The following NOX4 variants were observed in gnomAD, a reference collection of about 807,000 sequenced individuals.
The protein encoded by NOX4 is NADPH oxidase 4.
In NOX4, 69 loss-of-function variants were observed where a neutral mutation model predicts 87.6. The observed-to-expected ratio is 0.79, with a 90% CI of 0.65 to 0.96. The LOEUF (loss-of-function observed/expected upper bound fraction) is 0.96, where lower values mean the gene tolerates loss of function less well. Ranked by LOEUF, NOX4 falls within the 40% of genes least tolerant of loss-of-function variation. The pLI is 0.00. For synonymous variants in NOX4, 275 were observed against 238.2 expected (o/e 1.15, Z -1.42); for missense variants, 680 against 681.5 (o/e 1.00, Z 0.02).
the NOX4 span, among the ~76,000 whole-genome samples, chr11:89,513,093 G>A: frequency 6.6e-6 from 1 of 152,044 alleles, no homozygotes; most frequent in Non-Finnish European, 1.5e-5. Context: ...GGCTGAGGCG[G>A]GCAGATGACC....
At chr11:89,356,255 T>A (rs1279063227) in intron 12 of NOX4, among the ~76,000 whole-genome samples, 7 of 152,122 alleles carry the variant, frequency 4.6e-5, no homozygotes, top group African/African-American at 1.7e-4. Flanking sequence ...TGGTGTTTCA[T>A]ATGTATTAAT....
At chr11:89,365,221 C>T (rs963367484) in intron 12 of NOX4, among the ~76,000 whole-genome samples, 1 of 151,916 alleles carries the variant, frequency 6.6e-6, no homozygotes, top group African/African-American at 2.4e-5. Flanking sequence ...CTTTTATTTC[C>T]AGGGGGAGCA....
chr11:89,525,506 C>T, the NOX4 span, among the ~76,000 whole-genome samples: 2 of 151,794 alleles, frequency 1.3e-5, no homozygotes, highest in African/African-American at 4.8e-5. Flanking sequence ...TGCTCATTGG[C>T]CATTGGTTTA....
intron 7 of NOX4, among the ~76,000 whole-genome samples, chr11:89,425,953 T>C (rs142678942): frequency 1.1e-4 from 17 of 152,252 alleles, no homozygotes; most frequent in African/African-American, 4.1e-4. Flanking sequence ...TATCTTATAT[T>C]CCTTTTTTTG....
chr11:89,478,227 T>A (rs1946249319), intron 2 of NOX4, among the ~76,000 whole-genome samples: 1 of 152,316 alleles, frequency 6.6e-6, no homozygotes, highest in African/African-American at 2.4e-5. Flanking sequence ...ATAAGCGATA[T>A]ATTAGGTTAA....
At chr11:89,546,257 T>A in the NOX4 span, among the ~76,000 whole-genome samples, 1 of 152,222 alleles carries the variant, frequency 6.6e-6, no homozygotes, top group Non-Finnish European at 1.5e-5. Context: ...CTGTGTTTGG[T>A]GATAGTAATT....
chr11:89,392,943 A>T (rs1272188891), intron 11 of NOX4, among the ~76,000 whole-genome samples: 1 of 152,140 alleles, frequency 6.6e-6, no homozygotes. Flanking sequence ...CACTGACATG[A>T]TCGGTGTCCC....
chr11:89,362,620 A>G (rs188231955), intron 12 of NOX4, among the ~76,000 whole-genome samples: 4 of 152,214 alleles, frequency 2.6e-5, no homozygotes, highest in Admixed American at 2.0e-4. Flanking sequence ...TCATCTATCT[A>G]TACGTGTGTG....
At chr11:89,499,582 T>G (rs1461140289), upstream of NOX4, among the ~76,000 whole-genome samples, 2 of 152,218 alleles carry the variant, frequency 1.3e-5, no homozygotes, top group Non-Finnish European at 2.9e-5. Flanking sequence ...CAAACTTTCC[T>G]ACTCTCCAAA....
intron 3 of NOX4, among the ~76,000 whole-genome samples, chr11:89,451,204 A>C (rs149617044): frequency 0.02 from 3,108 of 152,232 alleles, 61 homozygotes; most frequent in East Asian, 0.095. Context: ...CCTAGAACTT[A>C]AAGTATAATA....
chr11:89,419,833 C>A (rs758311476), intron 8 of NOX4, among the ~76,000 whole-genome samples: 1 of 151,776 alleles, frequency 6.6e-6, no homozygotes, highest in African/African-American at 2.4e-5. Context: ...GATCCTTTAA[C>A]AAAAAATTGA....
At chr11:89,524,766 G>A in the NOX4 span, among the ~76,000 whole-genome samples, 2 of 152,034 alleles carry the variant, frequency 1.3e-5, no homozygotes, top group East Asian at 3.9e-4. Flanking sequence ...TCGTGAAATG[G>A]TTTAATCTGA....
chr11:89,426,132 T>C (rs1336511672), intron 7 of NOX4, among the ~76,000 whole-genome samples: 1 of 152,194 alleles, frequency 6.6e-6, no homozygotes, highest in Non-Finnish European at 1.5e-5. Context: ...TAATTTGTTA[T>C]TTTAGCAGAT....
chr11:89,504,035 G>T, the NOX4 span, among the ~76,000 whole-genome samples: 2 of 151,434 alleles, frequency 1.3e-5, no homozygotes, highest in Admixed American at 6.6e-5. Context: ...ATGCTGTGGG[G>T]TACAAAATAA....
At chr11:89,467,753 C>T (rs1353120343) in intron 2 of NOX4, among the ~76,000 whole-genome samples, 1 of 152,148 alleles carries the variant, frequency 6.6e-6, no homozygotes, top group Non-Finnish European at 1.5e-5. Flanking sequence ...TTTGGGGGGA[C>T]ACAAATATTC....
At chr11:89,583,708 T>C in the NOX4 span, among the ~76,000 whole-genome samples, 1 of 152,146 alleles carries the variant, frequency 6.6e-6, no homozygotes, top group Non-Finnish European at 1.5e-5. Flanking sequence ...ATCCCTGTGA[T>C]AACATTACAC....
At chr11:89,375,057 T>C (rs1468323113) in intron 11 of NOX4, among the ~76,000 whole-genome samples, 3 of 152,176 alleles carry the variant, frequency 2.0e-5, no homozygotes, top group Non-Finnish European at 2.9e-5. Context: ...TTGTCATTGA[T>C]TCATAATAAA....
chr11:89,408,068 A>G (rs539353752), intron 8 of NOX4, among the ~76,000 whole-genome samples: 3 of 152,242 alleles, frequency 2.0e-5, no homozygotes, highest in Non-Finnish European at 2.9e-5. Context: ...AAAGAGTTTA[A>G]TTCAAACAAT....
chr11:89,436,921 C>T (rs1944106507), intron 6 of NOX4, among the ~76,000 whole-genome samples: 1 of 151,940 alleles, frequency 6.6e-6, no homozygotes, highest in Non-Finnish European at 1.5e-5. Flanking sequence ...TTTTATGTCA[C>T]TTGTATAACC....
Sources: allele counts gnomAD v4.1 joint callset (sites outside exome capture counted in the v4.1 genomes callset), GRCh38; gene constraint gnomAD v4.1.1; transcripts MANE v1.5; gene names NCBI Gene and HGNC (gene_info 2026-07-23, HGNC 2026-07-21).